The following RNF157 variants were observed in gnomAD, a reference collection of about 807,000 sequenced individuals.
The protein encoded by RNF157 is E3 ubiquitin ligase RNF157.
A neutral mutation model predicts 88.3 loss-of-function variants in RNF157; 55 were observed. The observed-to-expected ratio is 0.62, with a 90% CI of 0.50 to 0.78. The LOEUF (loss-of-function observed/expected upper bound fraction) is 0.78, where lower values mean the gene tolerates loss of function less well. Ranked by LOEUF, RNF157 falls within the 30% of genes least tolerant of loss-of-function variation. The pLI is 0.00. For synonymous variants in RNF157, 334 were observed against 341.2 expected (o/e 0.98, Z 0.23); for missense variants, 788 against 860.8 (o/e 0.92, Z 1.06).
intron 1 of RNF157, among the ~76,000 whole-genome samples, chr17:76,235,489 C>A (rs75465497): frequency 6.6e-6 from 1 of 152,232 alleles, no homozygotes; most frequent in South Asian, 2.1e-4. Flanking sequence ...TGAGCCACTG[C>A]GCCCAGCCGT....
intron 1 of RNF157, among the ~76,000 whole-genome samples, chr17:76,228,804 C>T (rs919736651): frequency 6.6e-6 from 1 of 151,926 alleles, no homozygotes; most frequent in Non-Finnish European, 1.5e-5. Flanking sequence ...GCCTGTAATC[C>T]CAGCTACTCG....
rs112940458 is a variant in RNF157 at position 76,157,348 on chromosome 17, C to T, written c.1414-1027G>A. 2.0e-3 allele frequency among the ~76,000 whole-genome samples: 303 copies of T among 152,346 alleles called. 1 individual carries two copies. Among genetic ancestry groups the T allele is most frequent in the African/African-American group, 5.7e-3 (236 of 41,588 alleles). On this transcript the variant is annotated intron_variant, in intron 13 of 18. Transcript: ENST00000269391. The surrounding 1 kb of genome is among the most constrained non-coding windows in gnomAD (Gnocchi z 5.6). ...CCCGTCTAGTCCAGGCTGCACACTG[C>T]GGTCGGGTGGGCCTTTGGGGTGTGA...
At chr17:76,169,585 T>TC (rs1337735636) in intron 3 of RNF157, among the ~76,000 whole-genome samples, 1 of 150,924 alleles carries the variant, frequency 6.6e-6, no homozygotes, top group East Asian at 1.9e-4. Flanking sequence ...TTAGGTTTTT[T>TC]TTTTTTTTTT....
chr17:76,164,676 A>G, intron 8 of RNF157, 72 bp downstream of exon 8: 2 of 856,488 alleles, frequency 2.3e-6, no homozygotes, highest in Non-Finnish European at 1.8e-6. Flanking sequence ...AGAGGGAGAG[A>G]GAAGAAGAAA....
rs780587712 is a variant in RNF157 at position 76,181,706 on chromosome 17, G to A, written c.208-7916C>T. On this transcript the variant is annotated intron_variant, in intron 2 of 18. Coordinates refer to ENST00000269391, the MANE Select transcript of RNF157 (RefSeq NM_052916.3). The stretch of plus-strand genomic sequence containing the variant: ...GCAGATCACCTGAGGTCCAGAGTTT[G>A]AGACCAGGCTGGCCAACATGGTGAA... Among the ~76,000 whole-genome samples, 54 of 151,708 alleles carry A rather than the reference G, an allele frequency of 3.6e-4. 2 individuals are homozygous for A. Among genetic ancestry groups the A allele is most frequent in the Non-Finnish European group, 7.5e-4 (51 of 67,914 alleles).
At chr17:76,191,485 C>T (rs2069384198) in intron 2 of RNF157, among the ~76,000 whole-genome samples, 1 of 151,700 alleles carries the variant, frequency 6.6e-6, no homozygotes, top group African/African-American at 2.4e-5. Flanking sequence ...CACCTGTAAT[C>T]CCAGTTACTC....
At chr17:76,224,189 T>C (rs998457744) in intron 1 of RNF157, among the ~76,000 whole-genome samples, 1 of 152,226 alleles carries the variant, frequency 6.6e-6, no homozygotes, top group Non-Finnish European at 1.5e-5. Flanking sequence ...AAAAATCTCA[T>C]TTAAAATTCA....
chr17:76,228,196 G>T (rs2070126957), intron 1 of RNF157, among the ~76,000 whole-genome samples: 1 of 151,818 alleles, frequency 6.6e-6, no homozygotes, highest in African/African-American at 2.4e-5. Context: ...TTCTATTCTG[G>T]ACCAGTACAA....
intron 2 of RNF157, among the ~76,000 whole-genome samples, chr17:76,198,442 G>A (rs1359963171): frequency 1.3e-5 from 2 of 152,106 alleles, no homozygotes; most frequent in East Asian, 1.9e-4. Flanking sequence ...AAAAGGCTTC[G>A]TGTCTACTCC....
chr17:76,186,784 AC>A (rs1568048319), intron 2 of RNF157, among the ~76,000 whole-genome samples: 2 of 151,840 alleles, frequency 1.3e-5, no homozygotes, highest in Non-Finnish European at 2.9e-5. Flanking sequence ...TATTACAAAT[AC>A]AAAAATTAGC....
chr17:76,147,745 G>T (rs982180805), intron 18 of RNF157: 1 of 152,228 alleles, frequency 6.6e-6, no homozygotes, highest in Non-Finnish European at 1.5e-5. Context: ...AAGTCAGTGT[G>T]GGTGCTGAGG....
In RNF157 at chr17:76,146,796, G is replaced by A. The variant is rs908699678; in HGVS notation, c.1922-1443C>T. ...GCCCAGCACAACACCTGACCCATAG[G>A]AGGACCTGTTCAGCGGACAAGGCCG... On this transcript the variant is annotated intron_variant, in intron 18 of 18. Transcript: ENST00000269391. The surrounding 1 kb of genome is among the most constrained non-coding windows in gnomAD (Gnocchi z 4.2). 3 of 985,434 alleles carry A rather than the reference G, an allele frequency of 3.0e-6. No individual in the cohort carries two copies. The highest frequency in any genetic ancestry group is 2.4e-6 in the Non-Finnish European group (2 of 829,910). 61.0% of individuals were successfully genotyped at this position (985,434 alleles called of 1,614,324 possible).
chr17:76,166,738 T>C (rs143222036), intron 5 of RNF157, among the ~76,000 whole-genome samples: 165 of 152,252 alleles, frequency 1.1e-3, no homozygotes, highest in African/African-American at 3.9e-3. Context: ...CTCTAACCTA[T>C]AGATTTTTTT....
chr17:76,234,204 T>C (rs2070242919), intron 1 of RNF157, among the ~76,000 whole-genome samples: 2 of 152,370 alleles, frequency 1.3e-5, no homozygotes, highest in South Asian at 2.1e-4. Flanking sequence ...GTAGCACATA[T>C]CAAATCTTCA....
intron 1 of RNF157, among the ~76,000 whole-genome samples, chr17:76,227,106 CCT>C (rs899561356): frequency 4.0e-5 from 6 of 151,576 alleles, no homozygotes; most frequent in African/African-American, 1.5e-4. Flanking sequence ...ATATTAATAA[CCT>C]CTTTTTTTGT....
At chr17:76,180,208 T>C (rs1378140087) in intron 2 of RNF157, among the ~76,000 whole-genome samples, 2 of 152,206 alleles carry the variant, frequency 1.3e-5, no homozygotes, top group African/African-American at 4.8e-5. Context: ...AACAGCCTTA[T>C]GAAGGACAAC....
At position 76,195,675 on chromosome 17, in the gene RNF157, T is replaced by C. The variant is rs1046603925; in HGVS notation, c.207+16689A>G. Among the ~76,000 whole-genome samples, 3 of 152,150 alleles carry C rather than the reference T, an allele frequency of 2.0e-5. No individual in the cohort carries two copies. Among genetic ancestry groups the C allele is most frequent in the Non-Finnish European group, 4.4e-5 (3 of 68,040 alleles). On this transcript the variant is annotated intron_variant, in intron 2 of 18. Transcript: ENST00000269391. The surrounding 1 kb of genome is among the most constrained non-coding windows in gnomAD (Gnocchi z 4.4). ...ATTATGGTGTATTCACACAATGAAA[T>C]ACTATGCAGCAATGGAAATGAACCG...
chr17:76,230,212 A>C (rs1280480025), intron 1 of RNF157, among the ~76,000 whole-genome samples: 2 of 152,130 alleles, frequency 1.3e-5, no homozygotes, highest in Admixed American at 1.3e-4. Flanking sequence ...AAAATCCTCT[A>C]TTCTGTGGTT....
intron 1 of RNF157, among the ~76,000 whole-genome samples, chr17:76,238,936 G>A (rs1214033073): frequency 6.6e-6 from 1 of 152,232 alleles, no homozygotes; most frequent in Non-Finnish European, 1.5e-5. Flanking sequence ...AAAGCAGTGA[G>A]AAACACAGCT....
Sources: allele counts gnomAD v4.1 joint callset (sites outside exome capture counted in the v4.1 genomes callset), GRCh38; gene constraint gnomAD v4.1.1; non-coding constraint Gnocchi (gnomAD v3.1); transcripts MANE v1.5; gene names NCBI Gene and HGNC (gene_info 2026-07-23, HGNC 2026-07-21).